TBC1D19: variants seen among roughly 807,000 people sequenced by gnomAD.
TBC1D19 encodes the protein TBC1 domain family member 19, also known as TBC1 domain family, member 19.
TBC1D19 carries 60 observed loss-of-function variants against 89.0 expected under a neutral mutation model. The observed-to-expected ratio is 0.67, with a 90% CI of 0.55 to 0.84. The LOEUF is 0.84. TBC1D19 is among the 40% of genes least tolerant of loss of function. TBC1D19 has a pLI of 0.00. For synonymous variants in TBC1D19, 189 were observed against 199.7 expected (o/e 0.95, Z 0.45); for missense variants, 500 against 610.8 (o/e 0.82, Z 1.91).
At chr4:26,578,574 T>G (rs939842719) in intron 1 of TBC1D19, among the ~76,000 whole-genome samples, 1 of 150,966 alleles carries the variant, frequency 6.6e-6, no homozygotes, top group African/African-American at 2.4e-5. Flanking sequence ...AGTAGAAATG[T>G]AAGAGAGAGA....
At position 26,637,253 on chromosome 4, in the gene TBC1D19, T is replaced by A. The variant is rs1425604061; in HGVS notation, c.337T>A (p.Cys113Ser). ...AATTTTGAAGAGTTTAAATAGTATG[T>A]GCACTGAACTGAGTATCCCACTGGC... The part of the protein sequence containing the change: ...KRILKSLNSM[C>S]TELSIPLARK... The change falls in exon 5 of 21, where the codon TGC becomes AGC. Residue 113 changes from cysteine (C) to serine (S), a missense_variant. By Grantham distance (112) the Cys-to-Ser change is moderately radical (BLOSUM62 -1). Transcript: ENST00000264866. 1 of 1,611,182 alleles carries A rather than the reference T, an allele frequency of 6.2e-7. No individual in the cohort carries two copies. The highest frequency in any genetic ancestry group is 1.3e-5 in the African/African-American group (1 of 74,830).
intron 4 of TBC1D19, among the ~76,000 whole-genome samples, chr4:26,628,579 G>A (rs1742586564): frequency 6.6e-6 from 1 of 152,114 alleles, no homozygotes; most frequent in Admixed American, 6.6e-5. Context: ...GTCCTTGTTT[G>A]CAGATGACAT....
At chr4:26,698,911 T>C (rs1437378515) in intron 13 of TBC1D19, among the ~76,000 whole-genome samples, 1 of 152,180 alleles carries the variant, frequency 6.6e-6, no homozygotes, top group Non-Finnish European at 1.5e-5. Context: ...ATAAAATCCC[T>C]AGAAGAAAAC....
chr4:26,584,434 A>C, intron 1 of TBC1D19, 142 bp downstream of exon 1: 1 of 687,040 alleles, frequency 1.5e-6, no homozygotes, highest in Non-Finnish European at 2.4e-6. Flanking sequence ...GACAAAAACA[A>C]AAACAAAAAC....
intron 15 of TBC1D19, among the ~76,000 whole-genome samples, chr4:26,730,032 T>C (rs10020584): frequency 0.055 from 8,306 of 152,196 alleles, 804 homozygotes; most frequent in African/African-American, 0.19. Flanking sequence ...AAAAACTGGT[T>C]AGAGAACTGA....
intron 4 of TBC1D19, among the ~76,000 whole-genome samples, chr4:26,631,243 C>T (rs1229828541): frequency 6.6e-6 from 1 of 151,990 alleles, no homozygotes; most frequent in Non-Finnish European, 1.5e-5. Context: ...TTAGCCATAT[C>T]TAGCTTTTCT....
intron 4 of TBC1D19, among the ~76,000 whole-genome samples, chr4:26,627,981 T>C (rs1742541808): frequency 6.6e-6 from 1 of 152,216 alleles, no homozygotes; most frequent in Non-Finnish European, 1.5e-5. Context: ...TCCTGAATGG[T>C]AATGCCTAGG....
chr4:26,751,290 A>G (rs1386789947), intron 19 of TBC1D19, among the ~76,000 whole-genome samples: 3 of 152,216 alleles, frequency 2.0e-5, no homozygotes, highest in Admixed American at 2.0e-4. Context: ...CCTTTGGAGA[A>G]ACAGTTTCCC....
intron 8 of TBC1D19, among the ~76,000 whole-genome samples, chr4:26,661,247 ACAG>A (rs1450022180): frequency 6.6e-6 from 1 of 152,142 alleles, no homozygotes; most frequent in Non-Finnish European, 1.5e-5. Context: ...GCTATTGAAA[ACAG>A]CAATTAAGTG....
intron 18 of TBC1D19, among the ~76,000 whole-genome samples, chr4:26,745,497 CTTTTTTTTTTTTTTT>C (rs71186486): frequency 2.5e-5 from 1 of 40,550 alleles, no homozygotes; most frequent in South Asian, 1.9e-3. Context: ...CAATATACTT[CTTTTTTTTTTTTTTT>C]TTTTTTTTTT....
chr4:26,650,009 A>G lies in TBC1D19; in HGVS notation c.481-9588A>G, dbSNP rs148325440. Among the ~76,000 whole-genome samples, 1,359 of 152,252 alleles carry G rather than the reference A, an allele frequency of 8.9e-3. 21 individuals carry two copies. The highest frequency in any genetic ancestry group is 0.031 in the African/African-American group (1,299 of 41,538). Reference sequence around the variant, plus strand: ...TAGTTTGCTGAGAATGATGGTTTCCAGCTTCATCCGCATCCCTACAAAGGA... The same window carrying G: ...TAGTTTGCTGAGAATGATGGTTTCCGGCTTCATCCGCATCCCTACAAAGGA... On this transcript the variant is annotated intron_variant, in intron 7 of 20. Coordinates refer to ENST00000264866, the MANE Select transcript of TBC1D19 (RefSeq NM_018317.4).
intron 18 of TBC1D19, among the ~76,000 whole-genome samples, chr4:26,746,592 A>G (rs1411145230): frequency 6.6e-6 from 1 of 152,082 alleles, no homozygotes; most frequent in Non-Finnish European, 1.5e-5. Flanking sequence ...AATAAGGGTA[A>G]TTTCTGCTAT....
intron 12 of TBC1D19, among the ~76,000 whole-genome samples, chr4:26,684,595 T>A (rs1244025173): frequency 6.6e-6 from 1 of 152,170 alleles, no homozygotes; most frequent in South Asian, 2.1e-4. Context: ...ACCAGATTGG[T>A]CTGGTGTAGC....
chr4:26,810,687 C>G, the TBC1D19 span, among the ~76,000 whole-genome samples: 1 of 152,108 alleles, frequency 6.6e-6, no homozygotes, highest in African/African-American at 2.4e-5. Flanking sequence ...AAGATTCAGC[C>G]TTCCCTGACC....
rs757200142 is a variant in TBC1D19 at position 26,666,385 on chromosome 4, A to T, written c.644A>T (p.Asp215Val). 2 of 1,610,242 alleles carry T rather than the reference A, an allele frequency of 1.2e-6. No individual in the cohort carries two copies. The highest frequency in any genetic ancestry group is 8.5e-7 in the Non-Finnish European group (1 of 1,177,734). ...AATATAGGACAACTGGGTATAGATGATTCTACACAAGTGCCTCCTGGTTAG... is the reference window on the plus strand; with the variant it reads ...AATATAGGACAACTGGGTATAGATGTTTCTACACAAGTGCCTCCTGGTTAG... ...GLNIGQLGID[D>V]STQVPPELFE... Residue 215 changes from aspartate (D) to valine (V), a missense_variant, in exon 9 of 21, where the codon GAT (aspartate) becomes GTT (valine). This residue lies in a region of TBC1D19 where 280 missense variants were observed against 291.7 expected (regional missense o/e 0.96). Transcript: ENST00000264866.
the TBC1D19 span, among the ~76,000 whole-genome samples, chr4:26,793,876 T>G: frequency 8.2e-3 from 1,251 of 152,318 alleles, 17 homozygotes; most frequent in African/African-American, 0.025. Flanking sequence ...ACTTGAAACC[T>G]CTGAAGAACA....
At chr4:26,787,106 T>A in the TBC1D19 span, among the ~76,000 whole-genome samples, 4 of 150,928 alleles carry the variant, frequency 2.7e-5, no homozygotes, top group East Asian at 7.8e-4. Context: ...AACTAGTTTT[T>A]TTTTTTTTTT....
chr4:26,766,014 G>A, the TBC1D19 span, among the ~76,000 whole-genome samples: 2 of 152,144 alleles, frequency 1.3e-5, no homozygotes, highest in East Asian at 1.9e-4. Context: ...CAAGACTTGG[G>A]TGATGGACTG....
intron 1 of TBC1D19, among the ~76,000 whole-genome samples, chr4:26,578,440 G>T (rs968177129): frequency 3.3e-5 from 5 of 152,134 alleles, no homozygotes; most frequent in Admixed American, 6.5e-5. Flanking sequence ...ATATTGCTAG[G>T]CCTTCAAGAG....
Sources: gnomAD v4.1 joint callset for allele counts (sites outside exome capture counted in the v4.1 genomes callset) on GRCh38, gnomAD v4.1.1 for gene constraint, gnomAD v4.1.1 regional missense constraint, MANE v1.5 for transcripts, NCBI Gene and HGNC (gene_info 2026-07-23, HGNC 2026-07-21) for gene names.